Variants in HIPK1 observed in about 807,000 individuals in gnomAD.
The protein encoded by HIPK1 is homeodomain interacting protein kinase 1.
HIPK1 carries 28 observed loss-of-function variants against 117.1 expected under a neutral mutation model. The observed-to-expected ratio is 0.24, with a 90% CI of 0.18 to 0.33. The LOEUF is 0.33. Ranked by LOEUF, HIPK1 falls within the 10% of genes least tolerant of loss-of-function variation. The pLI, the probability that HIPK1 is intolerant of heterozygous loss-of-function variation, is 1.00. For missense variants in HIPK1, 1,122 were observed against 1,475.1 expected, an observed-to-expected ratio of 0.76 and a Z score of 3.92; for synonymous variants, 605 against 562.5, an observed-to-expected ratio of 1.08 and a Z score of -1.07.
chr1:113,954,583 T>C (rs368048145), intron 3 of HIPK1, 68 bp from the exon 4 acceptor site: 15 of 1,536,944 alleles, frequency 9.8e-6, no homozygotes, highest in Non-Finnish European at 1.3e-5. Context: ...AATGATGTTT[T>C]AGTGTAAAAG....
At chr1:113,966,812 C>T (rs1046342565) in intron 11 of HIPK1, among the ~76,000 whole-genome samples, 8 of 151,636 alleles carry the variant, frequency 5.3e-5, no homozygotes, top group Admixed American at 1.3e-4. Flanking sequence ...TCACCTATTG[C>T]GCTATCAAAT....
chr1:113,931,786 C>T (rs1320086651), intron 1 of HIPK1, among the ~76,000 whole-genome samples: 3 of 152,170 alleles, frequency 2.0e-5, no homozygotes, highest in Admixed American at 2.0e-4. Context: ...AAAGTTCTTA[C>T]ACTTGGAACT....
Position 113,958,183 on chromosome 1 carries a change from C to T in HIPK1, c.1873C>T (p.Pro625Ser). ...GTACCCATCATCTGCTGCACCAGTT[C>T]CTGGAGTTGCCCAGCAGGGTGTTTC... ...ALYPSSAAPV[P>S]GVAQQGVSLQ... The change falls in exon 8 of 16, where the codon CCT (proline) becomes TCT (serine). Residue 625 changes from proline (P) to serine (S), a missense_variant. Coordinates refer to ENST00000426820, the MANE Select transcript of HIPK1 (RefSeq NM_198268.3). 6.2e-7 allele frequency: 1 copy of T among 1,614,184 alleles called. No individual in the cohort carries two copies. The highest frequency in any genetic ancestry group is 1.1e-5 in the South Asian group (1 of 91,082).
intron 8 of HIPK1, among the ~76,000 whole-genome samples, chr1:113,958,551 T>G (rs969723213): frequency 1.3e-5 from 2 of 152,224 alleles, no homozygotes; most frequent in Admixed American, 1.3e-4. Flanking sequence ...TCTTGCCCAT[T>G]GAGTCCTTGT....
chr1:113,935,764 C>G (rs1286986372), intron 1 of HIPK1, among the ~76,000 whole-genome samples: 4 of 152,096 alleles, frequency 2.6e-5, no homozygotes, highest in Admixed American at 2.6e-4. Context: ...TTGCATTTCT[C>G]TAATGATTAG....
intron 1 of HIPK1, among the ~76,000 whole-genome samples, chr1:113,935,332 A>G (rs901994440): frequency 6.6e-6 from 1 of 152,172 alleles, no homozygotes; most frequent in Non-Finnish European, 1.5e-5. Flanking sequence ...AGCTTCATCC[A>G]TGTTGCCTGT....
Position 113,967,788 on chromosome 1 carries a change from C to A in HIPK1, c.2404C>A (p.Gln802Lys). The change falls in exon 12 of 16, where the codon CAG becomes AAG. Residue 802 changes from glutamine (Q) to lysine (K), a missense_variant. Coordinates refer to ENST00000426820, the MANE Select transcript of HIPK1 (RefSeq NM_198268.3). ...DWRNAHSHGN[Q>K]YSTIMQQPSL... is the part of the protein sequence containing the mutation. ...CAGGAATGCCCACTCTCATGGCAACCAGTACAGCACTATCATGCAGCAGCC... is the reference window on the plus strand; with the variant it reads ...CAGGAATGCCCACTCTCATGGCAACAAGTACAGCACTATCATGCAGCAGCC... 1.3e-6 allele frequency: 2 copies of A among 1,549,670 alleles called. No individual in the cohort carries two copies. The highest frequency in any genetic ancestry group is 2.5e-5 in the South Asian group (2 of 81,044).
chr1:113,942,896 T>C (rs1334178210), intron 2 of HIPK1, among the ~76,000 whole-genome samples: 9 of 152,094 alleles, frequency 5.9e-5, no homozygotes, highest in African/African-American at 2.2e-4. Context: ...AGTGAAATAA[T>C]AAAAACATAG....
At chr1:113,971,774 GT>G in intron 14 of HIPK1, 49 bp from the exon 15 acceptor site, 4 of 1,562,524 alleles carry the variant, frequency 2.6e-6, no homozygotes, top group Non-Finnish European at 2.6e-6. Context: ...GCCATCTGAG[GT>G]TAGCTCAGTG....
intron 10 of HIPK1, 105 bp downstream of exon 10, chr1:113,963,626 CA>C (rs1558144937): frequency 4.2e-6 from 6 of 1,425,476 alleles, no homozygotes; most frequent in South Asian, 1.4e-5. Flanking sequence ...GTTTATTTTT[CA>C]AAAAAATTTT....
rs767586685 is a variant in HIPK1, at chr1:113,974,983, A to G, written c.*1471A>G. On this transcript the variant is annotated 3_prime_UTR_variant, in exon 16 of 16. Coordinates refer to ENST00000426820, the MANE Select transcript of HIPK1 (RefSeq NM_198268.3). Reference sequence around the variant, plus strand: ...TTGGAATGTATGTGAACTAATTGCAATTATATTAGAGCATATTACTGTAGT... The same window carrying G: ...TTGGAATGTATGTGAACTAATTGCAGTTATATTAGAGCATATTACTGTAGT... The G allele has an allele frequency of 6.5e-5, 10 of 152,798 alleles. No individual in the cohort carries two copies. The highest frequency in any genetic ancestry group is 3.7e-4 in the East Asian group (2 of 5,338). The allele number at this position is 152,798 out of a possible 1,614,324, so 9.5% of individuals were successfully genotyped here. A position where few individuals can be genotyped will look rare whatever the true frequency, so the allele number is the denominator to read the frequency against.
In HIPK1 at chr1:113,970,117, A is replaced by G. The variant is rs1276258271; in HGVS notation, c.2933A>G (p.Asp978Gly). The G allele has an allele frequency of 3.1e-6, 5 of 1,614,134 alleles. No individual in the cohort carries two copies. The highest frequency in any genetic ancestry group is 3.4e-6 in the Non-Finnish European group (4 of 1,180,014). ...GAGGGGCCTGGCAGAGTTGTGGCAG[A>G]TGGCACTGGCACCCGCACTATCATT... Reference protein sequence around the residue: ...VLEGPGRVVADGTGTRTIIVP... With the variant: ...VLEGPGRVVAGGTGTRTIIVP... Residue 978 changes from aspartate (D) to glycine (G), a missense_variant, in exon 14 of 16, where the codon GAT becomes GGT. By Grantham distance (94) the Asp-to-Gly change is moderately conservative. This residue lies in a region of HIPK1 where 731 missense variants were observed against 860.4 expected (regional missense o/e 0.85). Transcript: ENST00000426820.
chr1:113,949,687 C>A lies in HIPK1; in HGVS notation c.1077-3079C>A, dbSNP rs530482854. ...TGTGTCAGCTCACTGCAACCTCCGT[C>A]TCCTGGGTTCAAGCAATTCTCCTGC... is the stretch of plus-strand genomic sequence containing the variant. On this transcript the variant is annotated intron_variant, in intron 2 of 15. Transcript: ENST00000426820. 2.7e-5 allele frequency among the ~76,000 whole-genome samples: 4 copies of A among 150,918 alleles called. No individual in the cohort carries two copies. In the South Asian group the frequency reaches 6.2e-4, roughly 24 times the overall value.
intron 2 of HIPK1, among the ~76,000 whole-genome samples, chr1:113,949,915 A>G (rs567210192): frequency 6.6e-6 from 1 of 152,238 alleles, no homozygotes; most frequent in East Asian, 1.9e-4. Context: ...TTTCTTTGGT[A>G]AACAAAACCA....
intron 2 of HIPK1, among the ~76,000 whole-genome samples, chr1:113,948,880 C>T (rs1054547046): frequency 3.3e-5 from 5 of 152,138 alleles, no homozygotes; most frequent in African/African-American, 1.2e-4. Context: ...CTCTTACGCC[C>T]AGTCTGGAGT....
intron 1 of HIPK1, among the ~76,000 whole-genome samples, chr1:113,931,415 A>G (rs1221608908): frequency 6.6e-6 from 1 of 152,166 alleles, no homozygotes; most frequent in Non-Finnish European, 1.5e-5. Context: ...ATATTTTAGT[A>G]AAGTACTTGC....
chr1:113,954,578 T>G (rs1671586931), intron 3 of HIPK1, 73 bp from the exon 4 acceptor site: 2 of 1,502,536 alleles, frequency 1.3e-6, no homozygotes, highest in African/African-American at 2.8e-5. Flanking sequence ...AAGTTAATGA[T>G]GTTTTAGTGT....
At chr1:113,934,744 T>G (rs1327278473) in intron 1 of HIPK1, among the ~76,000 whole-genome samples, 1 of 146,716 alleles carries the variant, frequency 6.8e-6, no homozygotes, top group East Asian at 2.0e-4. Flanking sequence ...AGAGCAGGAG[T>G]TTGACACCAG....
Position 113,941,352 on chromosome 1 carries a change from G to A in HIPK1, c.969G>A (p.Leu323=). Residue 323 remains leucine (L), a synonymous_variant, in exon 2 of 16, where the codon CTG becomes CTA. Transcript: ENST00000426820. The surrounding 1 kb of genome is among the most constrained non-coding windows in gnomAD (Gnocchi z 4.9). The part of the protein sequence containing the change: ...HADLKPENIM[L]VDPVRQPYRV... ...ACCTTAAGCCTGAAAACATCATGCT[G>A]GTTGATCCAGTTCGCCAGCCCTACC... The A allele has an allele frequency of 2.5e-6, 4 of 1,614,218 alleles. No homozygotes were observed. Among genetic ancestry groups the A allele is most frequent in the Non-Finnish European group, 3.4e-6 (4 of 1,180,030 alleles).
Sources: allele counts gnomAD v4.1 joint callset (sites outside exome capture counted in the v4.1 genomes callset), GRCh38; gene constraint gnomAD v4.1.1; regional missense constraint gnomAD v4.1.1; non-coding constraint Gnocchi (gnomAD v3.1); transcripts MANE v1.5; gene names NCBI Gene and HGNC (gene_info 2026-07-23, HGNC 2026-07-21).